The following CTNNB1 variants were observed in gnomAD, a reference collection of about 807,000 sequenced individuals.
The protein encoded by CTNNB1 is catenin beta-1.
Under a neutral mutation model 82.5 loss-of-function variants are expected in CTNNB1, and 6 were observed. The observed-to-expected ratio is 0.07, with a 90% CI of 0.04 to 0.14. The LOEUF (loss-of-function observed/expected upper bound fraction) is 0.14. CTNNB1 is among the 10% of genes least tolerant of loss of function. CTNNB1 has a pLI of 1.00. For synonymous variants in CTNNB1, 312 were observed against 329.7 expected (o/e 0.95, Z 0.58); for missense variants, 529 against 980.4 (o/e 0.54, Z 6.15).
At chr3:41,220,977 C>A (rs185256456) in intron 1 of CTNNB1, 2 of 152,056 alleles carry the variant, frequency 1.3e-5, no homozygotes, top group African/African-American at 4.8e-5. Context: ...GGGTTAAAAT[C>A]GGAAATAGCA....
intron 1 of CTNNB1, among the ~76,000 whole-genome samples, chr3:41,213,872 C>G (rs1330865213): frequency 6.6e-6 from 1 of 152,142 alleles, no homozygotes; most frequent in Non-Finnish European, 1.5e-5. Context: ...CTAGCTTACT[C>G]TTTCTGTAAT....
At chr3:41,234,005 G>T (rs746806323) in intron 9 of CTNNB1, 134 bp from the exon 10 acceptor site, 15 of 1,421,098 alleles carry the variant, frequency 1.1e-5, no homozygotes, top group Non-Finnish European at 1.5e-5. Context: ...GGCTGCGATA[G>T]GGGTAAGATT....
At chr3:41,222,442 A>G (rs1346807572) in intron 1 of CTNNB1, 1 of 152,132 alleles carries the variant, frequency 6.6e-6, no homozygotes, top group Non-Finnish European at 1.5e-5. Context: ...CCTTCACCTC[A>G]TAGGGTTGCA....
At chr3:41,206,393 T>C (rs1273854393) in intron 1 of CTNNB1, among the ~76,000 whole-genome samples, 1 of 152,136 alleles carries the variant, frequency 6.6e-6, no homozygotes, top group African/African-American at 2.4e-5. Flanking sequence ...GGTTTTGTAA[T>C]AGCAGAAATA....
intron 13 of CTNNB1, chr3:41,237,802 CAGTG>C: frequency 5.6e-6 from 3 of 532,058 alleles, no homozygotes; most frequent in South Asian, 4.1e-5. Flanking sequence ...AAGAACAAGT[CAGTG>C]AGTATTTTTA....
intron 1 of CTNNB1, chr3:41,221,218 A>G (rs1474184766): frequency 6.6e-6 from 1 of 152,224 alleles, no homozygotes; most frequent in Admixed American, 6.5e-5. Context: ...TAGTACTTAT[A>G]CAAACCTAGA....
rs1473205299 is a variant in CTNNB1 at position 41,239,499 on chromosome 3, T to A, written c.*157T>A. 1.5e-6 allele frequency: 1 copy of A among 666,796 alleles called. No homozygotes were observed. Among genetic ancestry groups the A allele is most frequent in the East Asian group, 2.7e-5 (1 of 36,810 alleles). 41.3% of individuals were successfully genotyped at this position (666,796 alleles called of 1,614,324 possible). On this transcript the variant is annotated 3_prime_UTR_variant, in exon 15 of 15. Coordinates refer to ENST00000349496, the MANE Select transcript of CTNNB1 (RefSeq NM_001904.4). ...CAGGTATATACTTTGAAAGGAGATG[T>A]CTTGGAACATTGGAATGTTCTCAGA...
At chr3:41,221,897 T>G (rs180911873) in intron 1 of CTNNB1, 1 of 152,334 alleles carries the variant, frequency 6.6e-6, no homozygotes, top group Non-Finnish European at 1.5e-5. Flanking sequence ...ATTTTTTGTC[T>G]TTGTCATTTT....
chr3:41,203,677 G>A (rs2077584745), intron 1 of CTNNB1, among the ~76,000 whole-genome samples: 1 of 152,164 alleles, frequency 6.6e-6, no homozygotes, highest in African/African-American at 2.4e-5. Context: ...TGCCCTTAGT[G>A]ACCATAGGGT....
intron 9 of CTNNB1, 103 bp from the exon 10 acceptor site, chr3:41,234,036 G>T: frequency 6.6e-7 from 1 of 1,516,204 alleles, no homozygotes; most frequent in South Asian, 1.1e-5. Flanking sequence ...TGTGTAGTCA[G>T]AACTACTTTT....
intron 1 of CTNNB1, among the ~76,000 whole-genome samples, chr3:41,213,238 T>C (rs547692850): frequency 2.6e-5 from 4 of 152,302 alleles, no homozygotes; most frequent in Non-Finnish European, 5.9e-5. Flanking sequence ...TTAATGACTT[T>C]AGGTTTTTGT....
chr3:41,210,631 C>T (rs1160635410), intron 1 of CTNNB1, among the ~76,000 whole-genome samples: 1 of 152,078 alleles, frequency 6.6e-6, no homozygotes, highest in Non-Finnish European at 1.5e-5. Context: ...TTCTGGAATA[C>T]CTCTTGAAGG....
chr3:41,234,988 C>T (rs2078402186), intron 10 of CTNNB1: 1 of 154,510 alleles, frequency 6.5e-6, no homozygotes, highest in African/African-American at 2.4e-5. Flanking sequence ...CTTTGGCTTT[C>T]TTCATTTATT....
chr3:41,212,702 A>T (rs532193525), intron 1 of CTNNB1, among the ~76,000 whole-genome samples: 7 of 152,324 alleles, frequency 4.6e-5, no homozygotes, highest in Admixed American at 4.6e-4. Flanking sequence ...AGTGGCAATT[A>T]TGTTGGAGAG....
chr3:41,230,247 G>T (rs1280501066), intron 7 of CTNNB1, among the ~76,000 whole-genome samples: 1 of 152,162 alleles, frequency 6.6e-6, no homozygotes. Context: ...TCTGTCAGCT[G>T]TTCCAGCAGT....
intron 13 of CTNNB1, chr3:41,237,077 A>G: frequency 5.4e-6 from 2 of 369,006 alleles, no homozygotes; most frequent in South Asian, 7.7e-5. Context: ...AAACTTTTCT[A>G]TTTGAATTTC....
Position 41,234,317 on chromosome 3 carries a change from G to A in CTNNB1, c.1683+20G>A. On this transcript the variant is annotated intron_variant, in intron 10 of 14. Transcript: ENST00000349496. ...TTTGTGGTAGGTAAATTCTTACAGT[G>A]ATACCTGGCTATCTAAAAGGAATGC... The A allele has an allele frequency of 1.2e-6, 2 of 1,613,580 alleles. No individual in the cohort carries two copies. The highest frequency in any genetic ancestry group is 1.7e-6 in the Non-Finnish European group (2 of 1,179,560).
intron 9 of CTNNB1, 108 bp downstream of exon 9, chr3:41,233,975 C>G (rs1348525376): frequency 7.0e-7 from 1 of 1,434,950 alleles, no homozygotes; most frequent in Admixed American, 1.7e-5. Context: ...GAATTGTATT[C>G]CTTAGTAAGT....
At chr3:41,207,275 G>A (rs2077670418) in intron 1 of CTNNB1, among the ~76,000 whole-genome samples, 1 of 152,136 alleles carries the variant, frequency 6.6e-6, no homozygotes, top group Non-Finnish European at 1.5e-5. Flanking sequence ...ATAAGTGGGT[G>A]CTGGGAAATA....
Sources: gnomAD v4.1 joint callset for allele counts (sites outside exome capture counted in the v4.1 genomes callset) on GRCh38, gnomAD v4.1.1 for gene constraint, MANE v1.5 for transcripts, NCBI Gene and HGNC (gene_info 2026-07-23, HGNC 2026-07-21) for gene names.